SEMA5A: variants seen among roughly 807,000 people sequenced by gnomAD.
SEMA5A encodes the protein semaphorin-5A.
SEMA5A carries 55 observed loss-of-function variants against 135.5 expected under a neutral mutation model. The observed-to-expected ratio is 0.41, with a 90% CI of 0.33 to 0.51. SEMA5A has a LOEUF of 0.51. SEMA5A is among the 20% of genes least tolerant of loss of function. SEMA5A has a pLI of 0.37. For synonymous variants in SEMA5A, 580 were observed against 546.5 expected, an observed-to-expected ratio of 1.06 and a Z score of -0.85; for missense variants, 1,290 against 1,419.9, an observed-to-expected ratio of 0.91 and a Z score of 1.47.
intron 19 of SEMA5A, among the ~76,000 whole-genome samples, chr5:9,052,729 T>G (rs1203799262): frequency 6.6e-6 from 1 of 151,936 alleles, no homozygotes; most frequent in African/African-American, 2.4e-5. Flanking sequence ...AGTGGAAGAT[T>G]TACTAGGATG....
intron 3 of SEMA5A, among the ~76,000 whole-genome samples, chr5:9,341,405 A>G (rs1753647252): frequency 6.6e-6 from 1 of 152,064 alleles, no homozygotes; most frequent in Non-Finnish European, 1.5e-5. Flanking sequence ...TTTTGGAAAT[A>G]GAAGATCTAA....
chr5:9,381,942 T>TTTTGTGTGTGTGTG (rs3221787), intron 2 of SEMA5A, among the ~76,000 whole-genome samples: 2 of 109,304 alleles, frequency 1.8e-5, no homozygotes, highest in Non-Finnish European at 1.8e-5. Flanking sequence ...TAGAATCATT[T>TTTTGTGTGTGTGTG]TGTGTGTGTG....
At chr5:9,503,992 A>C (rs183939947) in intron 1 of SEMA5A, among the ~76,000 whole-genome samples, 170 of 152,070 alleles carry the variant, frequency 1.1e-3, no homozygotes, top group African/African-American at 3.9e-3. Flanking sequence ...CGAGGCGGGC[A>C]GATCACAAGG....
chr5:9,280,607 T>C (rs917907099), intron 5 of SEMA5A, among the ~76,000 whole-genome samples: 1 of 152,224 alleles, frequency 6.6e-6, no homozygotes, highest in African/African-American at 2.4e-5. Context: ...GAAGTCCAGT[T>C]TCCTACATTA....
intron 3 of SEMA5A, among the ~76,000 whole-genome samples, chr5:9,340,213 G>A (rs2150726079): frequency 6.6e-6 from 1 of 152,274 alleles, no homozygotes; most frequent in South Asian, 2.1e-4. Context: ...ATTCAGATGG[G>A]AAACACATGA....
chr5:9,117,229 G>A (rs958276825), intron 15 of SEMA5A, among the ~76,000 whole-genome samples: 1 of 152,202 alleles, frequency 6.6e-6, no homozygotes, highest in Non-Finnish European at 1.5e-5. Context: ...GTACGCATAT[G>A]TTAGCCACAG....
chr5:9,315,978 C>T (rs978568271), intron 5 of SEMA5A, among the ~76,000 whole-genome samples: 6 of 152,098 alleles, frequency 3.9e-5, no homozygotes, highest in African/African-American at 7.2e-5. Flanking sequence ...TTGCCTAAAT[C>T]GATTTTTAGT....
chr5:9,058,649 C>T (rs1312975702), intron 18 of SEMA5A, among the ~76,000 whole-genome samples: 1 of 152,154 alleles, frequency 6.6e-6, no homozygotes, highest in Non-Finnish European at 1.5e-5. Flanking sequence ...ATGGCAGTAA[C>T]CAATGTACAA....
chr5:9,258,872 T>C (rs1749241110), intron 5 of SEMA5A, among the ~76,000 whole-genome samples: 2 of 128,906 alleles, frequency 1.6e-5, no homozygotes, highest in Non-Finnish European at 3.1e-5. Context: ...TGGAGTGCAA[T>C]GTCATGATCT....
At chr5:9,235,910 T>C (rs1747883083) in intron 6 of SEMA5A, among the ~76,000 whole-genome samples, 1 of 152,162 alleles carries the variant, frequency 6.6e-6, no homozygotes, top group African/African-American at 2.4e-5. Context: ...AGAGGCTTAA[T>C]GGACTCATAG....
chr5:9,189,851 A>G (rs953512605), intron 11 of SEMA5A, among the ~76,000 whole-genome samples: 1 of 152,240 alleles, frequency 6.6e-6, no homozygotes, highest in African/African-American at 2.4e-5. Flanking sequence ...CCATCCACGC[A>G]AATATTTTGC....
At chr5:9,152,226 C>T (rs1302246211) in intron 12 of SEMA5A, among the ~76,000 whole-genome samples, 4 of 152,156 alleles carry the variant, frequency 2.6e-5, no homozygotes, top group African/African-American at 7.2e-5. Context: ...TGGGTTATCC[C>T]GTGTCACCCT....
chr5:9,286,166 T>A (rs1579281898), intron 5 of SEMA5A, among the ~76,000 whole-genome samples: 1 of 152,176 alleles, frequency 6.6e-6, no homozygotes, highest in Non-Finnish European at 1.5e-5. Flanking sequence ...CTAAATATAC[T>A]TGCTAAGATA....
At chr5:9,488,425 G>A (rs1734836721) in intron 1 of SEMA5A, among the ~76,000 whole-genome samples, 1 of 152,154 alleles carries the variant, frequency 6.6e-6, no homozygotes. Flanking sequence ...CCTTTCACAT[G>A]TAAGCTTCTT....
chr5:9,341,080 T>C (rs952722291), intron 3 of SEMA5A, among the ~76,000 whole-genome samples: 1 of 152,132 alleles, frequency 6.6e-6, no homozygotes, highest in Non-Finnish European at 1.5e-5. Flanking sequence ...GCATTACATA[T>C]TTTTATTACA....
chr5:9,359,264 T>C (rs557204319), intron 3 of SEMA5A, among the ~76,000 whole-genome samples: 7 of 152,312 alleles, frequency 4.6e-5, no homozygotes, highest in South Asian at 2.1e-4. Flanking sequence ...GACTAGTTAA[T>C]TAAATTCCTT....
intron 1 of SEMA5A, among the ~76,000 whole-genome samples, chr5:9,523,892 G>C (rs1337736441): frequency 6.6e-6 from 1 of 152,116 alleles, no homozygotes; most frequent in Non-Finnish European, 1.5e-5. Context: ...TAGAACCTCA[G>C]TGTTATGTTA....
intron 15 of SEMA5A, among the ~76,000 whole-genome samples, chr5:9,110,507 G>A (rs2150160029): frequency 6.6e-6 from 1 of 152,350 alleles, no homozygotes; most frequent in South Asian, 2.1e-4. Flanking sequence ...AAGAAGTGGT[G>A]GAGATGGAGC....
chr5:9,126,375 G>T, intron 13 of SEMA5A, among the ~76,000 whole-genome samples: 1 of 152,050 alleles, frequency 6.6e-6, no homozygotes, highest in East Asian at 1.9e-4. Flanking sequence ...TCGGACATTG[G>T]ATGTGAGGAA....
Sources: gnomAD v4.1 joint callset for allele counts (sites outside exome capture counted in the v4.1 genomes callset) on GRCh38, gnomAD v4.1.1 for gene constraint, MANE v1.5 for transcripts, NCBI Gene and HGNC (gene_info 2026-07-23, HGNC 2026-07-21) for gene names.